The following ARFIP1 variants were observed in gnomAD, a reference collection of about 807,000 sequenced individuals.
The protein encoded by ARFIP1 is ARF interacting protein 1, also known as arfaptin-1.
Under a neutral mutation model 42.5 loss-of-function variants are expected in ARFIP1, and 24 were observed. That is an observed-to-expected ratio of 0.57 (90% confidence interval 0.41 to 0.80). ARFIP1 has a LOEUF of 0.80. Ranked by LOEUF, ARFIP1 falls within the 30% of genes least tolerant of loss-of-function variation. The pLI is 0.00. For missense variants in ARFIP1, 354 were observed against 434.0 expected, an observed-to-expected ratio of 0.82 and a Z score of 1.64; for synonymous variants, 141 against 153.7, an observed-to-expected ratio of 0.92 and a Z score of 0.61.
rs1318754178 is a variant in ARFIP1, at chr4:152,866,583, G to C, written c.202+2869G>C. Among the ~76,000 whole-genome samples, 3 of 151,166 alleles carry C rather than the reference G, an allele frequency of 2.0e-5. No homozygotes were observed. The East Asian group carries it at 5.9e-4, about 30-fold the overall frequency. ...CCCTCCTGGACGGGGCGGCTGGCCG[G>C]GCGGGGGCTGACCCCCACCTCTCTC... On this transcript the variant is annotated intron_variant, in intron 3 of 8. Transcript: ENST00000353617.
chr4:152,882,515 C>G (rs891697051), intron 6 of ARFIP1, among the ~76,000 whole-genome samples: 2 of 152,130 alleles, frequency 1.3e-5, no homozygotes, highest in African/African-American at 4.8e-5. Flanking sequence ...TGTATCTGAG[C>G]TGATGACAAT....
chr4:152,875,191 C>A (rs917439837), intron 5 of ARFIP1, among the ~76,000 whole-genome samples: 6 of 151,904 alleles, frequency 3.9e-5, no homozygotes, highest in Admixed American at 1.3e-4. Context: ...AGACATTGAA[C>A]CTATCTTCTT....
intron 1 of ARFIP1, among the ~76,000 whole-genome samples, 178 bp downstream of exon 1, chr4:152,780,404 C>G (rs969221775): frequency 1.3e-5 from 2 of 152,204 alleles, no homozygotes; most frequent in Non-Finnish European, 2.9e-5. Flanking sequence ...GTCCTTCATT[C>G]CTTCTGTCCC....
intron 5 of ARFIP1, among the ~76,000 whole-genome samples, chr4:152,878,746 A>G (rs1260454226): frequency 3.3e-5 from 5 of 152,088 alleles, no homozygotes; most frequent in South Asian, 2.1e-4. Flanking sequence ...TCTGTGGGGG[A>G]AAAAAAGGCC....
Position 152,803,957 on chromosome 4 carries a change from GTATA to G in ARFIP1, c.-10+23738_-10+23741del, listed in dbSNP as rs369788156. Among the ~76,000 whole-genome samples the G allele has an allele frequency of 3.2e-3, 418 of 129,146 alleles. 4 individuals carry two copies. The highest frequency in any genetic ancestry group is 0.011 in the African/African-American group (402 of 36,406). The allele number at this position is 129,146 out of a possible 152,430, so 84.7% of individuals were successfully genotyped here. A position where few individuals can be genotyped will look rare whatever the true frequency, so the allele number is the denominator to read the frequency against. On this transcript the variant is annotated intron_variant, in intron 1 of 8. Transcript: ENST00000353617. ...TTGATTCATATAAATGTCTGAATGT[GTATA>G]TATATAACATGTATTATATATATTT...
At chr4:152,827,793 A>T (rs1459592171) in intron 1 of ARFIP1, among the ~76,000 whole-genome samples, 2 of 152,110 alleles carry the variant, frequency 1.3e-5, no homozygotes, top group Admixed American at 1.3e-4. Flanking sequence ...CTCCCACCCC[A>T]GCCTCCCAAG....
Position 152,789,986 on chromosome 4 carries a change from C to G in ARFIP1, c.-10+9760C>G, listed in dbSNP as rs1253572796. Among the ~76,000 whole-genome samples the G allele has an allele frequency of 2.0e-5, 3 of 152,316 alleles. No individual in the cohort carries two copies. The East Asian group carries it at 5.8e-4, about 29-fold the overall frequency. On this transcript the variant is annotated intron_variant, in intron 1 of 8. Transcript: ENST00000353617. The stretch of plus-strand genomic sequence containing the variant: ...GGAGAATAGTATTAGAAACCAATAT[C>G]TGGGCACTATGTTTGCTCATTGCTG...
At chr4:152,829,839 G>GT (rs1731133161) in intron 2 of ARFIP1, 113 bp downstream of exon 2, 5 of 807,418 alleles carry the variant, frequency 6.2e-6, no homozygotes, top group Non-Finnish European at 9.3e-6. Flanking sequence ...ATTGGCTTCA[G>GT]TCAGGAATCT....
chr4:152,878,451 T>G (rs6845927), intron 5 of ARFIP1, among the ~76,000 whole-genome samples: 6,651 of 152,280 alleles, frequency 0.044, 178 homozygotes, highest in South Asian at 0.11. Context: ...GTTGGGAAAT[T>G]GGTGGCAACT....
At chr4:152,883,788 A>G (rs957458106) in intron 7 of ARFIP1, among the ~76,000 whole-genome samples, 12 of 151,574 alleles carry the variant, frequency 7.9e-5, no homozygotes, top group Admixed American at 3.3e-4. Flanking sequence ...TTTTTTCCCC[A>G]TATGCCCTAC....
At chr4:152,788,184 A>T (rs530445454) in intron 1 of ARFIP1, among the ~76,000 whole-genome samples, 18 of 152,236 alleles carry the variant, frequency 1.2e-4, no homozygotes, top group Non-Finnish European at 2.4e-4. Flanking sequence ...GTGAGCCGAG[A>T]TCGTGCCTCT....
chr4:152,785,493 T>A (rs1730746332), intron 1 of ARFIP1, among the ~76,000 whole-genome samples: 1 of 152,178 alleles, frequency 6.6e-6, no homozygotes, highest in African/African-American at 2.4e-5. Flanking sequence ...CTGTTTTGTT[T>A]CAGTGCTATA....
intron 8 of ARFIP1, among the ~76,000 whole-genome samples, chr4:152,905,177 C>T (rs1738207565): frequency 6.6e-6 from 1 of 152,106 alleles, no homozygotes; most frequent in Non-Finnish European, 1.5e-5. Context: ...ATGTAGAAGT[C>T]GTTGCTTTCA....
intron 1 of ARFIP1, among the ~76,000 whole-genome samples, chr4:152,824,149 C>T (rs1358796026): frequency 4.0e-5 from 6 of 151,778 alleles, no homozygotes; most frequent in African/African-American, 9.7e-5. Context: ...CCCCTCTCTA[C>T]TAAAAATACA....
intron 1 of ARFIP1, among the ~76,000 whole-genome samples, chr4:152,818,192 T>G (rs1730061909): frequency 6.6e-6 from 1 of 152,190 alleles, no homozygotes; most frequent in African/African-American, 2.4e-5. Context: ...ACATAGGAAC[T>G]TAACAGAAAA....
chr4:152,786,856 C>T (rs934651001), intron 1 of ARFIP1, among the ~76,000 whole-genome samples: 1 of 152,228 alleles, frequency 6.6e-6, no homozygotes, highest in South Asian at 2.1e-4. Flanking sequence ...TTTGTACATG[C>T]TTTTCTCTCT....
chr4:152,854,146 C>A (rs1733230138), intron 2 of ARFIP1, among the ~76,000 whole-genome samples: 1 of 152,164 alleles, frequency 6.6e-6, no homozygotes, highest in Non-Finnish European at 1.5e-5. Flanking sequence ...CTCCTGACCT[C>A]AGGTGATCCA....
At position 152,842,367 on chromosome 4, in the gene ARFIP1, T is replaced by C. The variant is rs542128659; in HGVS notation, c.93+12641T>C. On this transcript the variant is annotated intron_variant, in intron 2 of 8. Transcript: ENST00000353617. ...AAAAAGATTCTTTCTTCATCTTAAC[T>C]TTGGATAACCCGATGACATTGTGCC... Among the ~76,000 whole-genome samples, 4 of 152,178 alleles carry C rather than the reference T, an allele frequency of 2.6e-5. No homozygotes were observed. The East Asian group carries it at 7.7e-4, about 29-fold the overall frequency.
intron 8 of ARFIP1, among the ~76,000 whole-genome samples, chr4:152,892,688 T>C (rs185897445): frequency 5.1e-4 from 77 of 152,322 alleles, no homozygotes; most frequent in Middle Eastern, 3.4e-3. Context: ...TGCATATATG[T>C]GTGATAAATG....
Sources: allele counts gnomAD v4.1 joint callset (sites outside exome capture counted in the v4.1 genomes callset), GRCh38; gene constraint gnomAD v4.1.1; transcripts MANE v1.5; gene names NCBI Gene and HGNC (gene_info 2026-07-23, HGNC 2026-07-21).